Variants in NET1 observed in about 807,000 individuals in gnomAD.
NET1 encodes the protein neuroepithelial cell transforming 1.
In NET1, 42 loss-of-function variants were observed where a neutral mutation model predicts 61.1. That is an observed-to-expected ratio of 0.69 (90% CI 0.54 to 0.89). The LOEUF (loss-of-function observed/expected upper bound fraction) is 0.89. NET1 is among the 40% of genes least tolerant of loss of function. The pLI is 0.00. For missense variants in NET1, 654 were observed against 747.3 expected (o/e 0.88, Z 1.46); for synonymous variants, 254 against 281.8 (o/e 0.90, Z 0.99).
intron 1 of NET1, among the ~76,000 whole-genome samples, chr10:5,425,737 C>T (rs531651887): frequency 3.9e-5 from 6 of 152,318 alleles, no homozygotes; most frequent in East Asian, 1.9e-4. Flanking sequence ...ATGCAAATGA[C>T]GATAGATGAC....
intron 2 of NET1, among the ~76,000 whole-genome samples, chr10:5,428,494 C>CT (rs1202578648): frequency 0.024 from 290 of 12,110 alleles, no homozygotes; most frequent in African/African-American, 0.063. Flanking sequence ...TAATGTGTTC[C>CT]TTTTCAAAAA....
At chr10:5,425,455 A>G (rs1832245118) in intron 1 of NET1, among the ~76,000 whole-genome samples, 1 of 152,238 alleles carries the variant, frequency 6.6e-6, no homozygotes, top group Admixed American at 6.5e-5. Context: ...TCACAGTCCA[A>G]GAAGCCAAAT....
chr10:5,413,241 A>G lies in NET1; in HGVS notation c.128+421A>G, dbSNP rs80207010. On this transcript the variant is annotated intron_variant, in intron 1 of 11. Coordinates refer to ENST00000355029, the MANE Select transcript of NET1 (RefSeq NM_001047160.3). ...AAACCACAATGGTTTTGTTCTGCAC[A>G]CCCAACTGGCTGTAGGCTGGCGTTC... Among the ~76,000 whole-genome samples the G allele has an allele frequency of 1.6e-3, 238 of 152,232 alleles. 8 individuals carry two copies. The East Asian group carries it at 0.043, about 27-fold the overall frequency.
chr10:5,412,904 A>C lies in NET1; in HGVS notation c.128+84A>C. ...AACGGGAGGTGAGTGTTGGAGAGGCAAGGGCCGGGGGGAGGGGAGGGCTGG... is the reference window on the plus strand; with the variant it reads ...AACGGGAGGTGAGTGTTGGAGAGGCCAGGGCCGGGGGGAGGGGAGGGCTGG... On this transcript the variant is annotated intron_variant, in intron 1 of 11. Transcript: ENST00000355029. The surrounding 1 kb of genome is among the most constrained non-coding windows in gnomAD (Gnocchi z 6.5). 2 of 777,234 alleles carry C rather than the reference A, an allele frequency of 2.6e-6. No homozygotes were observed. The highest frequency in any genetic ancestry group is 3.2e-6 in the Non-Finnish European group (2 of 620,492). 48.1% of individuals were successfully genotyped at this position (777,234 alleles called of 1,614,324 possible). A position where few individuals can be genotyped will look rare whatever the true frequency, so the allele number is the denominator to read the frequency against.
chr10:5,452,604 G>GT lies in NET1; in HGVS notation c.531+80dup, dbSNP rs1199729086. ...GATGGCAAAATTAACTTGGATTTTTGTGTTTGAGCAACAATTCCTAATACA... is the reference window on the plus strand; with the variant it reads ...GATGGCAAAATTAACTTGGATTTTTGTTGTTTGAGCAACAATTCCTAATACA... On this transcript the variant is annotated intron_variant, in intron 5 of 11. Transcript: ENST00000355029. The surrounding 1 kb of genome is among the most constrained non-coding windows in gnomAD (Gnocchi z 4.0). The GT allele has an allele frequency of 7.0e-7, 1 of 1,436,442 alleles. No individual in the cohort carries two copies. Among genetic ancestry groups the GT allele is most frequent in the Non-Finnish European group, 9.5e-7 (1 of 1,053,736 alleles). 89.0% of individuals were successfully genotyped at this position (1,436,442 alleles called of 1,614,324 possible).
chr10:5,438,157 C>A (rs1339305367), intron 3 of NET1, among the ~76,000 whole-genome samples: 1 of 152,082 alleles, frequency 6.6e-6, no homozygotes, highest in Non-Finnish European at 1.5e-5. Flanking sequence ...AGAAATATCT[C>A]AAATCAGTAC....
rs12265059 is a variant in NET1, at chr10:5,455,220, T to C, written c.1197+102T>C. ...GGCTTGTAAAGGGAAAGTCATGACA[T>C]AGTAAAAGAAGGTTGCCAATTTTAA... On this transcript the variant is annotated intron_variant, in intron 10 of 11. Coordinates refer to ENST00000355029, the MANE Select transcript of NET1 (RefSeq NM_001047160.3). This position sits in a 1 kb window ranked among gnomAD's most constrained non-coding sequence, Gnocchi z 6.5. 4 of 1,135,124 alleles carry C rather than the reference T, an allele frequency of 3.5e-6. No homozygotes were observed. In the African/African-American group the frequency reaches 4.7e-5, roughly 13 times the overall value. The allele number at this position is 1,135,124 out of a possible 1,614,324, so 70.3% of individuals were successfully genotyped here. A position where few individuals can be genotyped will look rare whatever the true frequency, so the allele number is the denominator to read the frequency against.
intron 3 of NET1, among the ~76,000 whole-genome samples, chr10:5,438,873 C>T (rs1344486768): frequency 6.6e-6 from 1 of 152,198 alleles, no homozygotes. Flanking sequence ...TAAAAGAGCG[C>T]CCCTGCTGCT....
In NET1 at chr10:5,452,679, T is replaced by C. The variant is rs1832727538; in HGVS notation, c.531+154T>C. ...TGGTGGTCAAATTAAACAACTCTAATAGGGTAAACTTACCAAACATACGGC... is the reference window on the plus strand; with the variant it reads ...TGGTGGTCAAATTAAACAACTCTAACAGGGTAAACTTACCAAACATACGGC... On this transcript the variant is annotated intron_variant, in intron 5 of 11. Transcript: ENST00000355029. This position sits in a 1 kb window ranked among gnomAD's most constrained non-coding sequence, Gnocchi z 4.0. 2.2e-6 allele frequency: 2 copies of C among 917,806 alleles called. No homozygotes were observed. Among genetic ancestry groups the C allele is most frequent in the Admixed American group, 2.8e-5 (1 of 35,596 alleles). The allele number at this position is 917,806 out of a possible 1,614,324, so 56.9% of individuals were successfully genotyped here.
At chr10:5,436,216 G>GCATATATATATA (rs1166785576) in intron 3 of NET1, among the ~76,000 whole-genome samples, 2 of 38,100 alleles carry the variant, frequency 5.2e-5, no homozygotes, top group African/African-American at 2.1e-4. Flanking sequence ...GTGTGTGTGT[G>GCATATATATATA]TGTGTGTGCA....
Position 5,412,709 on chromosome 10 carries a change from C to T in NET1, c.17C>T (p.Ala6Val). 1.4e-6 allele frequency: 2 copies of T among 1,474,150 alleles called. No homozygotes were observed. The highest frequency in any genetic ancestry group is 1.8e-6 in the Non-Finnish European group (2 of 1,122,132). The allele number at this position is 1,474,150 out of a possible 1,614,324, so 91.3% of individuals were successfully genotyped here. ...CTCCGTGCCATGGAGCCCGAGCTGGCGGCTCAGAAGCAGCCTCGACCGCGG... is the reference window on the plus strand; with the variant it reads ...CTCCGTGCCATGGAGCCCGAGCTGGTGGCTCAGAAGCAGCCTCGACCGCGG... MEPEL[A>V]AQKQPRPRRR... The change falls in exon 1 of 12, where the codon GCG becomes GTG. Residue 6 changes from alanine to valine, a missense_variant. By Grantham distance (64) the Ala-to-Val change is moderately conservative (BLOSUM62 0). Coordinates refer to ENST00000355029, the MANE Select transcript of NET1 (RefSeq NM_001047160.3). The surrounding 1 kb of genome is among the most constrained non-coding windows in gnomAD (Gnocchi z 6.5).
rs777732641 is a variant in NET1, at chr10:5,444,949, A to G, written c.256-6881A>G. 1.8e-4 allele frequency among the ~76,000 whole-genome samples: 27 copies of G among 152,180 alleles called. No homozygotes were observed. Among genetic ancestry groups the G allele is most frequent in the Admixed American group, 3.3e-4 (5 of 15,278 alleles). ...ACTAACAGTTACCCCTCCTATTTAA[A>G]GAATTGTAGGCGTCTGTGACTTCTT... On this transcript the variant is annotated intron_variant, in intron 3 of 11. Transcript: ENST00000355029. This position sits in a 1 kb window ranked among gnomAD's most constrained non-coding sequence, Gnocchi z 5.3.
In NET1 at chr10:5,437,112, A is replaced by G. The variant is rs992829811; in HGVS notation, c.255+7883A>G. Among the ~76,000 whole-genome samples, 2 of 152,228 alleles carry G rather than the reference A, an allele frequency of 1.3e-5. No homozygotes were observed. The highest frequency in any genetic ancestry group is 4.8e-5 in the African/African-American group (2 of 41,468). On this transcript the variant is annotated intron_variant, in intron 3 of 11. Coordinates refer to ENST00000355029, the MANE Select transcript of NET1 (RefSeq NM_001047160.3). The surrounding 1 kb of genome is among the most constrained non-coding windows in gnomAD (Gnocchi z 4.3). ...TAAATACTTATGTCTCCTTTTTAAT[A>G]CATGAATACATTGTTCTGGCAAAAA...
At position 5,458,712 on chromosome 10, in the gene NET1, G is replaced by A. The variant is rs1832850334; in HGVS notation, c.*1718G>A. Reference sequence around the variant, plus strand: ...CACCTGTTACTTTCTGGATAGGATAGTAAGGGTAGTAGTGGCAAAGGATCC... The same window carrying A: ...CACCTGTTACTTTCTGGATAGGATAATAAGGGTAGTAGTGGCAAAGGATCC... On this transcript the variant is annotated 3_prime_UTR_variant, in exon 12 of 12. Transcript: ENST00000355029. This position sits in a 1 kb window ranked among gnomAD's most constrained non-coding sequence, Gnocchi z 4.5. Among the ~76,000 whole-genome samples the A allele has an allele frequency of 6.6e-6, 1 of 152,200 alleles. No homozygotes were observed. Among genetic ancestry groups the A allele is most frequent in the South Asian group, 2.1e-4 (1 of 4,830 alleles).
rs1446448999 is a variant in NET1 at position 5,441,321 on chromosome 10, T to C, written c.256-10509T>C. Among the ~76,000 whole-genome samples the C allele has an allele frequency of 6.6e-6, 1 of 152,198 alleles. No individual in the cohort carries two copies. The highest frequency in any genetic ancestry group is 1.9e-4 in the East Asian group (1 of 5,200). On this transcript the variant is annotated intron_variant, in intron 3 of 11. Transcript: ENST00000355029. This position sits in a 1 kb window ranked among gnomAD's most constrained non-coding sequence, Gnocchi z 4.6. ...GAAGGCAAGAGATACACAGTGCAGCTGAGGCAAGGGACTGTGGGGTCACTC... is the reference window on the plus strand; with the variant it reads ...GAAGGCAAGAGATACACAGTGCAGCCGAGGCAAGGGACTGTGGGGTCACTC...
intron 3 of NET1, among the ~76,000 whole-genome samples, chr10:5,434,790 A>G (rs543448529): frequency 1.3e-5 from 2 of 151,228 alleles, no homozygotes; most frequent in African/African-American, 4.8e-5. Flanking sequence ...TGAGTTAACC[A>G]ACATTATAGA....
At chr10:5,450,920 C>G (rs913526370) in intron 3 of NET1, among the ~76,000 whole-genome samples, 1 of 152,168 alleles carries the variant, frequency 6.6e-6, no homozygotes, top group Non-Finnish European at 1.5e-5. Context: ...AGAATCATAA[C>G]TATTTCTTCT....
rs1474933941 is a variant in NET1, at chr10:5,426,184, T to G, written c.129-471T>G. On this transcript the variant is annotated intron_variant, in intron 1 of 11. Transcript: ENST00000355029. This position sits in a 1 kb window ranked among gnomAD's most constrained non-coding sequence, Gnocchi z 4.6. ...TTGTTAAATTGCAGTTTTAAAAAAT[T>G]AGGGATTTACATGAAATGCAGATAA... is the stretch of plus-strand genomic sequence containing the variant. 2.6e-5 allele frequency among the ~76,000 whole-genome samples: 4 copies of G among 152,190 alleles called. No individual in the cohort carries two copies. The highest frequency in any genetic ancestry group is 9.7e-5 in the African/African-American group (4 of 41,450).
rs562818501 is a variant in NET1 at position 5,453,776 on chromosome 10, A to G, written c.768+216A>G. 7.9e-5 allele frequency among the ~76,000 whole-genome samples: 12 copies of G among 152,330 alleles called. No homozygotes were observed. Among genetic ancestry groups the G allele is most frequent in the South Asian group, 2.1e-4 (1 of 4,824 alleles). ...ATGCTATAGGTTCATTTGTGTTACAAATACGTTCCTGCTTGGATAGAATTC... is the reference window on the plus strand; with the variant it reads ...ATGCTATAGGTTCATTTGTGTTACAGATACGTTCCTGCTTGGATAGAATTC... On this transcript the variant is annotated intron_variant, in intron 8 of 11. Transcript: ENST00000355029. This position sits in a 1 kb window ranked among gnomAD's most constrained non-coding sequence, Gnocchi z 4.9.
Sources: allele counts gnomAD v4.1 joint callset (sites outside exome capture counted in the v4.1 genomes callset), GRCh38; gene constraint gnomAD v4.1.1; non-coding constraint Gnocchi (gnomAD v3.1); transcripts MANE v1.5; gene names NCBI Gene and HGNC (gene_info 2026-07-23, HGNC 2026-07-21).